Variants in GJB3 observed in about 807,000 individuals in gnomAD.
GJB3 encodes the protein gap junction protein beta 3.
In GJB3, 6 loss-of-function variants were observed where a neutral mutation model predicts 8.1. The observed-to-expected ratio is 0.75, with a 90% CI of 0.41 to 1.47. GJB3 has a LOEUF of 1.47. GJB3 is among the 40% of genes most tolerant of loss of function. The probability of loss-of-function intolerance (pLI) is 0.02; values close to 1 mark genes in which losing one functional copy is unlikely to be tolerated. For synonymous variants in GJB3, 137 were observed against 156.4 expected (o/e 0.88, Z 0.93); for missense variants, 348 against 365.6 (o/e 0.95, Z 0.39).
chr1:34,785,806 G>A lies in GJB3; in HGVS notation c.*231G>A, dbSNP rs72898302. On this transcript the variant is annotated 3_prime_UTR_variant, in exon 2 of 2. Coordinates refer to ENST00000373366, the MANE Select transcript of GJB3 (RefSeq NM_024009.3). This position sits in a 1 kb window ranked among gnomAD's most constrained non-coding sequence, Gnocchi z 4.7. ...AAAGGACATAGACTTTGAAACAAGCGAATTAACTATCTACGCTGCCTGCAA... is the reference window on the plus strand; with the variant it reads ...AAAGGACATAGACTTTGAAACAAGCAAATTAACTATCTACGCTGCCTGCAA... 2,375 of 597,660 alleles carry A rather than the reference G, an allele frequency of 4.0e-3. 40 individuals carry two copies. The highest frequency in any genetic ancestry group is 0.04 in the African/African-American group (2,125 of 53,608). 37.0% of individuals were successfully genotyped at this position (597,660 alleles called of 1,614,324 possible).
chr1:34,781,253 C>G lies in GJB3; in HGVS notation c.-551C>G, dbSNP rs965120411. 5 of 152,062 alleles carry G rather than the reference C, an allele frequency of 3.3e-5. No homozygotes were observed. The highest frequency in any genetic ancestry group is 4.1e-4 in the South Asian group (2 of 4,824). The allele number at this position is 152,062 out of a possible 1,614,324, so 9.4% of individuals were successfully genotyped here. ...CGCTGTGGGTACAAGGTCTGCCCCC[C>G]ACCCCAGCTCTCCAAAGCCCACCGG... On this transcript the variant is annotated 5_prime_UTR_variant, in exon 1 of 2. Coordinates refer to ENST00000373366, the MANE Select transcript of GJB3 (RefSeq NM_024009.3). The surrounding 1 kb of genome is among the most constrained non-coding windows in gnomAD (Gnocchi z 6.2).
At chr1:34,784,578 A>G (rs1640066180) in intron 1 of GJB3, among the ~76,000 whole-genome samples, 160 bp from the exon 2 acceptor site, 1 of 152,200 alleles carries the variant, frequency 6.6e-6, no homozygotes, top group Non-Finnish European at 1.5e-5. Flanking sequence ...GCTGTGCCTC[A>G]GTTTCCTATC....
rs1463016076 is a variant in GJB3, at chr1:34,784,723, CTCTAAT to C, written c.-25-11_-25-6del. On this transcript the variant is annotated splice_polypyrimidine_tract_variant and intron_variant, in intron 1 of 1. Transcript: ENST00000373366. ...CTATTCATTCATACGATGGTTTTTC[CTCTAAT>C]TCTCTCAGGTAGGCACGGCCCCCAC... The C allele has an allele frequency of 6.5e-7, 1 of 1,545,446 alleles. No individual in the cohort carries two copies. The highest frequency in any genetic ancestry group is 1.7e-5 in the Admixed American group (1 of 58,294).
chr1:34,783,246 T>C (rs1256520567), intron 1 of GJB3, among the ~76,000 whole-genome samples: 1 of 145,256 alleles, frequency 6.9e-6, no homozygotes, highest in African/African-American at 2.6e-5. Context: ...AGGCCTTGGC[T>C]CAAAAAAAAA....
Position 34,784,745 on chromosome 1 carries a change from C to G in GJB3, c.-18C>G, listed in dbSNP as rs371413520. 4 of 1,598,932 alleles carry G rather than the reference C, an allele frequency of 2.5e-6. No individual in the cohort carries two copies. The highest frequency in any genetic ancestry group is 3.3e-5 in the Admixed American group (2 of 59,846). On this transcript the variant is annotated 5_prime_UTR_variant, in exon 2 of 2. Coordinates refer to ENST00000373366, the MANE Select transcript of GJB3 (RefSeq NM_024009.3). The stretch of plus-strand genomic sequence containing the variant: ...TTCCTCTAATTCTCTCAGGTAGGCA[C>G]GGCCCCCACCAGGCGCCATGGACTG...
In GJB3 at chr1:34,784,776, C is replaced by G; in HGVS notation, c.14C>G (p.Thr5Arg). MDWK[T>R]LQALLSGVNK... The stretch of plus-strand genomic sequence containing the variant: ...CCACCAGGCGCCATGGACTGGAAGA[C>G]ACTCCAGGCCCTACTGAGCGGTGTG... Residue 5 changes from threonine to arginine, a missense_variant, in exon 2 of 2, where the codon ACA (threonine) becomes AGA (arginine). Physicochemically the swap from Thr to Arg is moderately conservative, Grantham distance 71. Transcript: ENST00000373366. 1 of 1,614,112 alleles carries G rather than the reference C, an allele frequency of 6.2e-7. No individual in the cohort carries two copies.
rs1402644391 is a variant in GJB3, at chr1:34,785,061, A to G, written c.299A>G (p.Glu100Gly). The change falls in exon 2 of 2, where the codon GAG (glutamate) becomes GGG (glycine). Residue 100 changes from glutamate to glycine, a missense_variant. Transcript: ENST00000373366. The surrounding 1 kb of genome is among the most constrained non-coding windows in gnomAD (Gnocchi z 4.7). The stretch of plus-strand genomic sequence containing the variant: ...ATCCTGCACGTGGCCTACCGTGAGG[A>G]GCGGGAGCGCCGGCACCGCCAGAAA... ...LVILHVAYRE[E>G]RERRHRQKHG... is the part of the protein sequence containing the mutation. The G allele has an allele frequency of 2.5e-6, 4 of 1,613,980 alleles. No individual in the cohort carries two copies. The highest frequency in any genetic ancestry group is 3.4e-6 in the Non-Finnish European group (4 of 1,180,012).
At chr1:34,783,154 A>T (rs969143150) in intron 1 of GJB3, among the ~76,000 whole-genome samples, 1 of 152,074 alleles carries the variant, frequency 6.6e-6, no homozygotes, top group African/African-American at 2.4e-5. Context: ...AGGCTGAGGT[A>T]GGAGGCTCCC....
At chr1:34,782,365 C>A (rs545486322) in intron 1 of GJB3, 2 of 152,204 alleles carry the variant, frequency 1.3e-5, no homozygotes, top group Admixed American at 6.5e-5. Flanking sequence ...TGGAAGCAGC[C>A]GTCAGGGTCC....
rs1190288460 is a variant in GJB3, at chr1:34,785,820, C to T, written c.*245C>T. The T allele has an allele frequency of 1.0e-5, 6 of 574,362 alleles. No individual in the cohort carries two copies. The highest frequency in any genetic ancestry group is 3.1e-5 in the Admixed American group (1 of 31,922). 35.6% of individuals were successfully genotyped at this position (574,362 alleles called of 1,614,324 possible). ...TTGAAACAAGCGAATTAACTATCTA[C>T]GCTGCCTGCAAGGGGCCACTTAGGG... On this transcript the variant is annotated 3_prime_UTR_variant, in exon 2 of 2. Transcript: ENST00000373366. This position sits in a 1 kb window ranked among gnomAD's most constrained non-coding sequence, Gnocchi z 4.7.
chr1:34,781,907 G>C lies in GJB3; in HGVS notation c.-26+129G>C, dbSNP rs973516275. 1 of 152,256 alleles carries C rather than the reference G, an allele frequency of 6.6e-6. No individual in the cohort carries two copies. The highest frequency in any genetic ancestry group is 2.4e-5 in the African/African-American group (1 of 41,450). The allele number at this position is 152,256 out of a possible 1,614,324, so 9.4% of individuals were successfully genotyped here. On this transcript the variant is annotated intron_variant, in intron 1 of 1. Coordinates refer to ENST00000373366, the MANE Select transcript of GJB3 (RefSeq NM_024009.3). This position sits in a 1 kb window ranked among gnomAD's most constrained non-coding sequence, Gnocchi z 6.2. ...CGCTGGGATGGGGCGCGAAGCGGGG[G>C]TGCGGGGAGCCCGCCACCCCGTACC...
At chr1:34,783,247 CA>C (rs113744247) in intron 1 of GJB3, among the ~76,000 whole-genome samples, 4,125 of 138,092 alleles carry the variant, frequency 0.03, 164 homozygotes, top group African/African-American at 0.096. Flanking sequence ...GGCCTTGGCT[CA>C]AAAAAAAAAA....
At chr1:34,783,231 C>G (rs111871468) in intron 1 of GJB3, among the ~76,000 whole-genome samples, 3,911 of 150,888 alleles carry the variant, frequency 0.026, 164 homozygotes, top group African/African-American at 0.088. Flanking sequence ...CTGGGCGACA[C>G]AGCAAGGCCT....
chr1:34,785,655 G>T lies in GJB3; in HGVS notation c.*80G>T. ...TGTGGCAGGTGGAGAGGTCCTACAG[G>T]GGCTGAGTGACCCCACTCTGAGTTC... On this transcript the variant is annotated 3_prime_UTR_variant, in exon 2 of 2. Coordinates refer to ENST00000373366, the MANE Select transcript of GJB3 (RefSeq NM_024009.3). The surrounding 1 kb of genome is among the most constrained non-coding windows in gnomAD (Gnocchi z 4.7). The T allele has an allele frequency of 8.8e-7, 1 of 1,142,388 alleles. No homozygotes were observed. The highest frequency in any genetic ancestry group is 1.3e-6 in the Non-Finnish European group (1 of 771,930). The allele number at this position is 1,142,388 out of a possible 1,614,324, so 70.8% of individuals were successfully genotyped here.
chr1:34,785,434 A>C lies in GJB3; in HGVS notation c.672A>C (p.Arg224=). Reference sequence around the variant, plus strand: ...GAGGCCTGCACAAGGACAAGCCTCGAGGGGGTTGCAGCCCCTCGTCCTCCG... The same window carrying C: ...GAGGCCTGCACAAGGACAAGCCTCGCGGGGGTTGCAGCCCCTCGTCCTCCG... ...VLRGLHKDKP[R]GGCSPSSSAS... is the part of the protein sequence containing the mutation. Residue 224 remains arginine (R), a synonymous_variant, in exon 2 of 2, where the codon CGA becomes CGC. Transcript: ENST00000373366. The surrounding 1 kb of genome is among the most constrained non-coding windows in gnomAD (Gnocchi z 4.7). 1 of 1,613,696 alleles carries C rather than the reference A, an allele frequency of 6.2e-7. No individual in the cohort carries two copies. Among genetic ancestry groups the C allele is most frequent in the Non-Finnish European group, 8.5e-7 (1 of 1,179,964 alleles).
At chr1:34,783,337 T>A (rs1640045648) in intron 1 of GJB3, among the ~76,000 whole-genome samples, 2 of 151,392 alleles carry the variant, frequency 1.3e-5, no homozygotes. Context: ...TCTAAAGAGA[T>A]GAGGTTTGAG....
In GJB3 at chr1:34,785,140, C is replaced by T. The variant is rs142544385; in HGVS notation, c.378C>T (p.Gly126=). 4.2e-5 allele frequency: 68 copies of T among 1,614,020 alleles called. No individual in the cohort carries two copies. The African/African-American group carries it at 8.5e-4, about 20-fold the overall frequency. The change falls in exon 2 of 2, where the codon GGC becomes GGT. Residue 126 remains glycine, a synonymous_variant. Transcript: ENST00000373366. The surrounding 1 kb of genome is among the most constrained non-coding windows in gnomAD (Gnocchi z 4.7). ...ACAACGCAGGCAAGAAGCACGGAGGCCTGTGGTGGACCTACCTGTTCAGCC... is the reference window on the plus strand; with the variant it reads ...ACAACGCAGGCAAGAAGCACGGAGGTCTGTGGTGGACCTACCTGTTCAGCC... The part of the protein sequence containing the change: ...LYDNAGKKHG[G]LWWTYLFSLI...
Position 34,786,037 on chromosome 1 carries a change from T to G in GJB3, c.*462T>G, listed in dbSNP as rs1640110751. The G allele has an allele frequency of 5.1e-6, 1 of 194,842 alleles. No homozygotes were observed. The highest frequency in any genetic ancestry group is 1.6e-4 in the East Asian group (1 of 6,376). The allele number at this position is 194,842 out of a possible 1,614,324, so 12.1% of individuals were successfully genotyped here. A position where few individuals can be genotyped will look rare whatever the true frequency, so the allele number is the denominator to read the frequency against. The stretch of plus-strand genomic sequence containing the variant: ...CTAGCCTCAGCAGACCTAAGGCATC[T>G]CTACTCCCTCCAGAGGAGCCGCCCA... On this transcript the variant is annotated 3_prime_UTR_variant, in exon 2 of 2. Coordinates refer to ENST00000373366, the MANE Select transcript of GJB3 (RefSeq NM_024009.3). The surrounding 1 kb of genome is among the most constrained non-coding windows in gnomAD (Gnocchi z 4.4).
intron 1 of GJB3, among the ~76,000 whole-genome samples, chr1:34,784,314 T>C (rs944737549): frequency 6.6e-6 from 1 of 152,234 alleles, no homozygotes; most frequent in African/African-American, 2.4e-5. Context: ...CCAGCATTTA[T>C]GGGGCACTTA....
Sources: gnomAD v4.1 joint callset for allele counts (sites outside exome capture counted in the v4.1 genomes callset) on GRCh38, gnomAD v4.1.1 for gene constraint, Gnocchi (gnomAD v3.1) non-coding constraint, MANE v1.5 for transcripts, NCBI Gene and HGNC (gene_info 2026-07-23, HGNC 2026-07-21) for gene names.